Variants in EIF4G3 observed in about 807,000 individuals in gnomAD.
The protein encoded by EIF4G3 is eukaryotic translation initiation factor 4 gamma 3.
Under a neutral mutation model 186.4 loss-of-function variants are expected in EIF4G3, and 34 were observed. The ratio of observed to expected loss-of-function variants is 0.18; its 90% confidence interval spans 0.14 to 0.24. The LOEUF is 0.24. Among genes scored for constraint, EIF4G3 ranks in the 10% least tolerant of loss-of-function variants. EIF4G3 has a pLI of 1.00. For synonymous variants in EIF4G3, 673 were observed against 679.5 expected, an observed-to-expected ratio of 0.99 and a Z score of 0.15; for missense variants, 1,536 against 1,948.5, an observed-to-expected ratio of 0.79 and a Z score of 3.99.
intron 2 of EIF4G3, among the ~76,000 whole-genome samples, chr1:21,113,685 A>C (rs1327355505): frequency 6.6e-6 from 1 of 152,156 alleles, no homozygotes; most frequent in Non-Finnish European, 1.5e-5. Context: ...ACTGTTATAC[A>C]GGTCTTCCTT....
Position 20,884,003 on chromosome 1 carries a change from T to C in EIF4G3, c.2424+2198A>G, listed in dbSNP as rs1034256722. Among the ~76,000 whole-genome samples the C allele has an allele frequency of 8.2e-4, 124 of 152,074 alleles. 1 individual carries two copies. Among genetic ancestry groups the C allele is most frequent in the Non-Finnish European group, 1.4e-3 (94 of 68,018 alleles). Reference sequence around the variant, plus strand: ...CCAGACATGTCCTGAGGCAATGATATCCTAAAAATGCTTCAAGAAGATGAG... The same window carrying C: ...CCAGACATGTCCTGAGGCAATGATACCCTAAAAATGCTTCAAGAAGATGAG... On this transcript the variant is annotated intron_variant, in intron 19 of 36. Transcript: ENST00000602326.
intron 2 of EIF4G3, among the ~76,000 whole-genome samples, chr1:21,166,357 C>T (rs2097855409): frequency 1.3e-5 from 2 of 151,784 alleles, no homozygotes; most frequent in Admixed American, 1.3e-4. Context: ...TTGAGCCCAG[C>T]AGGTCAAGGC....
chr1:21,082,804 C>G (rs528835605), intron 3 of EIF4G3, among the ~76,000 whole-genome samples: 2 of 151,154 alleles, frequency 1.3e-5, no homozygotes, highest in Admixed American at 1.3e-4. Context: ...TTTGGGAGGC[C>G]GAGACGGGCG....
chr1:20,941,589 G>C lies in EIF4G3; in HGVS notation c.1565C>G (p.Ala522Gly), dbSNP rs751920027. The change falls in exon 14 of 37, where the codon GCA (alanine) becomes GGA (glycine). Residue 522 changes from alanine (A) to glycine (G), a missense_variant. Physicochemically the swap from Ala to Gly is moderately conservative, Grantham distance 60 (BLOSUM62 0). This residue lies in a region of EIF4G3 where 560 missense variants were observed against 547.8 expected (regional missense o/e 1.02). Coordinates refer to ENST00000602326, the MANE Select transcript of EIF4G3 (RefSeq NM_001391906.1). Reference protein sequence around the residue: ...ESIRTCLSEDAKEIQNKIEVE... With the variant: ...ESIRTCLSEDGKEIQNKIEVE... Reference sequence around the variant, plus strand: ...CTCTATTTTGTTCTGAATCTCTTTTGCATCTTCACTAAGGCAAGTTCTTAT... The same window carrying C: ...CTCTATTTTGTTCTGAATCTCTTTTCCATCTTCACTAAGGCAAGTTCTTAT... 2 of 1,614,104 alleles carry C rather than the reference G, an allele frequency of 1.2e-6. No homozygotes were observed. The highest frequency in any genetic ancestry group is 2.7e-5 in the African/African-American group (2 of 74,998).
intron 2 of EIF4G3, among the ~76,000 whole-genome samples, chr1:21,163,483 C>T (rs2097797609): frequency 6.6e-6 from 1 of 152,160 alleles, no homozygotes; most frequent in Non-Finnish European, 1.5e-5. Flanking sequence ...TTAAGACCCA[C>T]TTCCTTTGAA....
In EIF4G3 at chr1:20,851,307, A is replaced by T. The variant is rs2230572; in HGVS notation, c.3723T>A (p.Asp1241Glu). 6.7e-4 allele frequency: 1,082 copies of T among 1,614,018 alleles called. 10 individuals are homozygous for T. In the African/African-American group the frequency reaches 0.013, roughly 19 times the overall value. Residue 1241 changes from aspartate to glutamate, a missense_variant, in exon 28 of 37, where the codon GAT (aspartate) becomes GAA (glutamate). Asp to Glu is a conservative substitution (Grantham distance 45). Transcript: ENST00000602326. ...CAGCCTCAGTGCTGTTCCTCTCCAC[A>T]TCCACACCTCCTGTGAGCTGCTTCA... is the stretch of plus-strand genomic sequence containing the variant. ...ETVKQLTGGV[D>E]VERNSTEAER... is the part of the protein sequence containing the mutation.
chr1:21,081,733 C>T (rs997310473), intron 3 of EIF4G3, among the ~76,000 whole-genome samples: 1 of 151,018 alleles, frequency 6.6e-6, no homozygotes, highest in Non-Finnish European at 1.5e-5. Flanking sequence ...CCCCTGACTC[C>T]CGGGTTCAAG....
At position 20,865,113 on chromosome 1, in the gene EIF4G3, T is replaced by C. The variant is rs1486308110; in HGVS notation, c.2769+3A>G. 6.2e-7 allele frequency: 1 copy of C among 1,614,056 alleles called. No homozygotes were observed. Among genetic ancestry groups the C allele is most frequent in the Non-Finnish European group, 8.5e-7 (1 of 1,179,946 alleles). ...AGCACTGTCTTTCTATGAAAATACT[T>C]ACAGCACTGGCAGCCTCAAGTTCTT... On this transcript the variant is annotated splice_donor_region_variant and intron_variant, in intron 21 of 36. Coordinates refer to ENST00000602326, the MANE Select transcript of EIF4G3 (RefSeq NM_001391906.1).
intron 2 of EIF4G3, among the ~76,000 whole-genome samples, chr1:21,147,971 C>T (rs1160294890): frequency 6.6e-6 from 1 of 152,170 alleles, no homozygotes; most frequent in Non-Finnish European, 1.5e-5. Context: ...CATCAATTTT[C>T]CTAGTGTTCA....
In EIF4G3 at chr1:20,837,640, A is replaced by C. The variant is rs117938628; in HGVS notation, c.4061+3216T>G. On this transcript the variant is annotated intron_variant, in intron 30 of 36. Transcript: ENST00000602326. ...CAGCTGATCTCAGAGGCTCTTCCAC[A>C]ATACTATGGAAGGACAATACTATCT... Among the ~76,000 whole-genome samples, 161 of 152,308 alleles carry C rather than the reference A, an allele frequency of 1.1e-3. 4 individuals carry two copies. The East Asian group carries it at 0.024, about 23-fold the overall frequency.
intron 2 of EIF4G3, among the ~76,000 whole-genome samples, chr1:21,104,118 G>A (rs527957557): frequency 3.9e-5 from 6 of 152,218 alleles, no homozygotes; most frequent in Admixed American, 2.6e-4. Flanking sequence ...GAACAATGCC[G>A]GCTACATGAC....
At chr1:20,865,894 T>C (rs896920105) in intron 20 of EIF4G3, among the ~76,000 whole-genome samples, 3 of 133,748 alleles carry the variant, frequency 2.2e-5, no homozygotes, top group Admixed American at 1.6e-4. Flanking sequence ...AAGGTTTCCA[T>C]CCAAATCCAA....
At chr1:20,848,263 G>A (rs943395933) in intron 29 of EIF4G3, among the ~76,000 whole-genome samples, 3 of 152,162 alleles carry the variant, frequency 2.0e-5, no homozygotes, top group Admixed American at 6.5e-5. Context: ...ACTGCACCCG[G>A]CCAAGAAAAC....
chr1:20,941,203 A>C, intron 14 of EIF4G3: 1 of 1,505,716 alleles, frequency 6.6e-7, no homozygotes. Flanking sequence ...ATTCATATGA[A>C]TGAGGCAATA....
At chr1:20,833,208 G>T (rs1451754245) in intron 30 of EIF4G3, among the ~76,000 whole-genome samples, 2 of 145,640 alleles carry the variant, frequency 1.4e-5, no homozygotes, top group African/African-American at 5.1e-5. Context: ...GGGCAGTATG[G>T]CCATTTTCAC....
chr1:20,884,498 G>T (rs1436926413), intron 19 of EIF4G3, among the ~76,000 whole-genome samples: 1 of 152,194 alleles, frequency 6.6e-6, no homozygotes, highest in Non-Finnish European at 1.5e-5. Flanking sequence ...GATCCAGTAG[G>T]AAGTTTTAAC....
At chr1:20,885,798 A>G (rs1017281581) in intron 19 of EIF4G3, among the ~76,000 whole-genome samples, 2 of 152,288 alleles carry the variant, frequency 1.3e-5, no homozygotes, top group African/African-American at 4.8e-5. Flanking sequence ...CTTCAAAACA[A>G]GATGAGTTTC....
chr1:20,874,730 A>G (rs1453927581), intron 20 of EIF4G3, among the ~76,000 whole-genome samples: 1 of 152,094 alleles, frequency 6.6e-6, no homozygotes, highest in African/African-American at 2.4e-5. Context: ...GTCAAATCTT[A>G]TACCTTTATC....
intron 16 of EIF4G3, among the ~76,000 whole-genome samples, chr1:20,896,258 C>A (rs770979198): frequency 1.3e-5 from 2 of 151,502 alleles, no homozygotes; most frequent in East Asian, 3.9e-4. Flanking sequence ...TGTAGTAAGA[C>A]CTAATCTCTA....
Sources: allele counts gnomAD v4.1 joint callset (sites outside exome capture counted in the v4.1 genomes callset), GRCh38; gene constraint gnomAD v4.1.1; regional missense constraint gnomAD v4.1.1; transcripts MANE v1.5; gene names NCBI Gene and HGNC (gene_info 2026-07-23, HGNC 2026-07-21).